ZNF487: variants seen among roughly 807,000 people sequenced by gnomAD.
ZNF487 encodes zinc finger protein 487, also known as KRAB domain only 1.
A neutral mutation model predicts 3.0 loss-of-function variants in ZNF487; 4 were observed. The observed-to-expected ratio is 1.35, with a 90% CI of 0.66 to 3.08. The LOEUF (loss-of-function observed/expected upper bound fraction) is 3.08. Ranked by LOEUF, ZNF487 falls within the 30% of genes most tolerant of loss-of-function variation. The pLI is 0.01. For missense variants in ZNF487, 146 were observed against 98.7 expected (o/e 1.48, Z -2.03); for synonymous variants, 55 against 34.6 (o/e 1.59, Z -2.06).
chr10:43,493,720 A>G, the ZNF487 span, among the ~76,000 whole-genome samples: 1 of 22,866 alleles, frequency 4.4e-5, no homozygotes, highest in Non-Finnish European at 1.3e-4. Flanking sequence ...ATATATATAT[A>G]TATATATATA....
At chr10:43,493,578 C>T in the ZNF487 span, among the ~76,000 whole-genome samples, 2 of 150,628 alleles carry the variant, frequency 1.3e-5, no homozygotes, top group Non-Finnish European at 2.9e-5. Context: ...GTAGTCCCAG[C>T]TACTTGGGAG....
chr10:43,469,981 G>C (rs1002023468), intron 1 of ZNF487, among the ~76,000 whole-genome samples: 3 of 151,940 alleles, frequency 2.0e-5, no homozygotes, highest in African/African-American at 7.3e-5. Flanking sequence ...TATGTACATT[G>C]GTTTACTAGA....
chr10:43,483,318 G>A (rs368378516), downstream of ZNF487: 3 of 356,408 alleles, frequency 8.4e-6, no homozygotes, highest in African/African-American at 2.1e-5. Flanking sequence ...TTGGCTCACC[G>A]CAACCTCTGT....
the ZNF487 span, among the ~76,000 whole-genome samples, chr10:43,510,688 C>T: frequency 2.6e-5 from 4 of 152,276 alleles, no homozygotes; most frequent in Non-Finnish European, 4.4e-5. Context: ...GCTGGGATTA[C>T]AGGCACATGC....
the ZNF487 span, among the ~76,000 whole-genome samples, chr10:43,502,272 T>C: frequency 6.6e-6 from 1 of 152,050 alleles, no homozygotes; most frequent in African/African-American, 2.4e-5. Context: ...CTCAGCAAAC[T>C]ATTGCAAGAA....
In ZNF487 at chr10:43,482,575, C is replaced by G. The variant is rs1307960206; in HGVS notation, c.*653C>G. 2.0e-6 allele frequency: 1 copy of G among 509,522 alleles called. No homozygotes were observed. The highest frequency in any genetic ancestry group is 3.2e-4 in the Middle Eastern group (1 of 3,134). The allele number at this position is 509,522 out of a possible 1,614,324, so 31.6% of individuals were successfully genotyped here. A position where few individuals can be genotyped will look rare whatever the true frequency, so the allele number is the denominator to read the frequency against. ...CAGAGAACACACACAGGAGAGAAAC[C>G]CTATGGATGTAATGAATGTCAGAAA... On this transcript the variant is annotated 3_prime_UTR_variant, in exon 4 of 4. Transcript: ENST00000437590.
chr10:43,456,944 A>G (rs1840227465), intron 1 of ZNF487, among the ~76,000 whole-genome samples: 1 of 152,210 alleles, frequency 6.6e-6, no homozygotes, highest in Non-Finnish European at 1.5e-5. Context: ...TACTCATTCC[A>G]GATACCGAGA....
At chr10:43,484,985 C>G (rs539262615), downstream of ZNF487, among the ~76,000 whole-genome samples, 1 of 152,340 alleles carries the variant, frequency 6.6e-6, no homozygotes, top group Non-Finnish European at 1.5e-5. Flanking sequence ...AAGCTCAACA[C>G]AATCTGGTCA....
chr10:43,482,659 C>G lies in ZNF487; in HGVS notation c.*737C>G. On this transcript the variant is annotated 3_prime_UTR_variant, in exon 4 of 4. Coordinates refer to ENST00000437590, the MANE Select transcript of ZNF487 (RefSeq NM_001355444.3). ...CAGAGAATACATACTGGCGAGAAACCCTATGAGTGTAAGGAATGTGGGAAA... is the reference window on the plus strand; with the variant it reads ...CAGAGAATACATACTGGCGAGAAACGCTATGAGTGTAAGGAATGTGGGAAA... 1 of 490,074 alleles carries G rather than the reference C, an allele frequency of 2.0e-6. No homozygotes were observed. The highest frequency in any genetic ancestry group is 1.5e-5 in the South Asian group (1 of 66,576). 30.4% of individuals were successfully genotyped at this position (490,074 alleles called of 1,614,324 possible). A position where few individuals can be genotyped will look rare whatever the true frequency, so the allele number is the denominator to read the frequency against.
intron 3 of ZNF487, among the ~76,000 whole-genome samples, chr10:43,478,370 C>T (rs916863304): frequency 3.9e-5 from 6 of 152,274 alleles, no homozygotes; most frequent in Admixed American, 3.9e-4. Flanking sequence ...GCCTGACCAA[C>T]ATGGAAAAAC....
chr10:43,441,356 C>A (rs1839601715), intron 1 of ZNF487, among the ~76,000 whole-genome samples: 1 of 151,962 alleles, frequency 6.6e-6, no homozygotes, highest in African/African-American at 2.4e-5. Context: ...ACTTCCGCCT[C>A]CCGGGTTCCA....
intron 1 of ZNF487, chr10:43,453,526 CAG>C (rs768439319): frequency 1.3e-5 from 2 of 152,172 alleles, no homozygotes; most frequent in Non-Finnish European, 2.9e-5. Flanking sequence ...TCTCTCAGTG[CAG>C]AGTTTCAGAT....
At chr10:43,438,423 T>C (rs1442506470) in intron 1 of ZNF487, among the ~76,000 whole-genome samples, 1 of 152,134 alleles carries the variant, frequency 6.6e-6, no homozygotes, top group South Asian at 2.1e-4. Context: ...TGACCTCAGG[T>C]GATCCACCTG....
chr10:43,459,416 GAC>G (rs1180230244), intron 1 of ZNF487, among the ~76,000 whole-genome samples: 4 of 152,080 alleles, frequency 2.6e-5, no homozygotes, highest in Non-Finnish European at 4.4e-5. Flanking sequence ...TTTTAGTAGA[GAC>G]AGGGTTTTGC....
At chr10:43,465,071 G>T (rs1339785882) in intron 1 of ZNF487, among the ~76,000 whole-genome samples, 8 of 147,486 alleles carry the variant, frequency 5.4e-5, no homozygotes, top group Non-Finnish European at 1.1e-4. Context: ...CTCCCTCCCG[G>T]GGCGGCTGGC....
chr10:43,492,014 GCCTAGACCT>G, the ZNF487 span, among the ~76,000 whole-genome samples: 1 of 151,580 alleles, frequency 6.6e-6, no homozygotes, highest in African/African-American at 2.4e-5. Context: ...GCTCACTGCA[GCCTAGACCT>G]CCTAGGCTCA....
chr10:43,495,781 C>T, the ZNF487 span, among the ~76,000 whole-genome samples: 2 of 152,126 alleles, frequency 1.3e-5, no homozygotes, highest in Non-Finnish European at 2.9e-5. Context: ...ACAGTTCCAG[C>T]ACATTGGGGA....
Position 43,483,173 on chromosome 10 carries a change from TTTTGCC to T in ZNF487, c.*1253_*1258del. ...GAACACCCAATAAAGATGAGAAATC[TTTTGCC>T]TAGAAGTGATATTTCATTGAACAGC... is the stretch of plus-strand genomic sequence containing the variant. On this transcript the variant is annotated 3_prime_UTR_variant, in exon 4 of 4. Coordinates refer to ENST00000437590, the MANE Select transcript of ZNF487 (RefSeq NM_001355444.3). The T allele has an allele frequency of 2.3e-6, 1 of 437,550 alleles. No individual in the cohort carries two copies. 27.1% of individuals were successfully genotyped at this position (437,550 alleles called of 1,614,324 possible). A position where few individuals can be genotyped will look rare whatever the true frequency, so the allele number is the denominator to read the frequency against.
rs1006520358 is a variant in ZNF487 at position 43,457,050 on chromosome 10, G to A, written c.-93-18671G>A. Among the ~76,000 whole-genome samples the A allele has an allele frequency of 3.9e-5, 6 of 152,274 alleles. No individual in the cohort carries two copies. The South Asian group carries it at 1.0e-3, about 26-fold the overall frequency. On this transcript the variant is annotated intron_variant, in intron 1 of 3. Transcript: ENST00000437590. The stretch of plus-strand genomic sequence containing the variant: ...AAAGTAGTTCAGGAAACAGTTTCCT[G>A]GATTACCAATTTCTGCCTGACATGA...
Sources: allele counts gnomAD v4.1 joint callset (sites outside exome capture counted in the v4.1 genomes callset), GRCh38; gene constraint gnomAD v4.1.1; transcripts MANE v1.5; gene names NCBI Gene and HGNC (gene_info 2026-07-23, HGNC 2026-07-21).